VWF: variants seen among roughly 807,000 people sequenced by gnomAD.
VWF encodes the protein von Willebrand factor.
A neutral mutation model predicts 308.6 loss-of-function variants in VWF; 176 were observed. That is an observed-to-expected ratio of 0.57 (90% CI 0.50 to 0.65). VWF has a LOEUF of 0.65. Ranked by LOEUF, VWF falls within the 30% of genes least tolerant of loss-of-function variation. The pLI is 0.00. For synonymous variants in VWF, 1,385 were observed against 1,443.4 expected, an observed-to-expected ratio of 0.96 and a Z score of 0.92; for missense variants, 3,146 against 3,648.2, an observed-to-expected ratio of 0.86 and a Z score of 3.55.
At chr12:6,032,592 C>T (rs1279312284) in intron 20 of VWF, among the ~76,000 whole-genome samples, 3 of 151,432 alleles carry the variant, frequency 2.0e-5, no homozygotes, top group South Asian at 2.1e-4. Flanking sequence ...GAGCCGAGAT[C>T]GCACCACTGC....
chr12:6,033,653 C>A (rs1483535784), intron 20 of VWF, among the ~76,000 whole-genome samples: 2 of 152,218 alleles, frequency 1.3e-5, no homozygotes, highest in African/African-American at 4.8e-5. Context: ...TGCCCTGTGT[C>A]CCCAGCACAC....
chr12:6,066,801 C>T (rs1262051123), intron 10 of VWF, among the ~76,000 whole-genome samples: 1 of 152,254 alleles, frequency 6.6e-6, no homozygotes, highest in East Asian at 1.9e-4. Context: ...CTGTCTGGCA[C>T]TTCATGCTCG....
At chr12:6,025,441 A>G in intron 24 of VWF, 139 bp downstream of exon 24, 1 of 750,752 alleles carries the variant, frequency 1.3e-6, no homozygotes. Context: ...AAGCCAAGAA[A>G]AAAAGCCGAA....
intron 10 of VWF, among the ~76,000 whole-genome samples, chr12:6,067,634 G>A (rs991779260): frequency 5.3e-5 from 8 of 152,236 alleles, no homozygotes; most frequent in Middle Eastern, 3.4e-3. Context: ...CGTTAGCCAC[G>A]GGAGCTAGAA....
At chr12:6,013,951 G>C (rs911292859) in intron 31 of VWF, among the ~76,000 whole-genome samples, 9 of 152,060 alleles carry the variant, frequency 5.9e-5, no homozygotes, top group Non-Finnish European at 1.3e-4. Context: ...TTCAGATGTG[G>C]ATAAATGCTT....
In VWF at chr12:6,019,878, A is replaced by G. The variant is rs1382937882; in HGVS notation, c.3675-135T>C. 3 of 1,009,416 alleles carry G rather than the reference A, an allele frequency of 3.0e-6. No individual in the cohort carries two copies. The highest frequency in any genetic ancestry group is 4.5e-6 in the Non-Finnish European group (3 of 669,490). 62.5% of individuals were successfully genotyped at this position (1,009,416 alleles called of 1,614,324 possible). ...ACCTGAACTTGAGATCCCATGGACC[A>G]TTCCACATCCAAGTGAGATGTCATT... On this transcript the variant is annotated intron_variant, in intron 27 of 51. Transcript: ENST00000261405. This position sits in a 1 kb window ranked among gnomAD's most constrained non-coding sequence, Gnocchi z 5.8.
rs1267120223 is a variant in VWF at position 5,995,062 on chromosome 12, C to CT, written c.6064-456dup. ...GGATATCAGAAAATTATGCCCAGAC[C>CT]TTTTTTTTAGCTCATCAGCTATCGT... is the stretch of plus-strand genomic sequence containing the variant. On this transcript the variant is annotated intron_variant, in intron 35 of 51. Transcript: ENST00000261405. Among the ~76,000 whole-genome samples, 5 of 151,974 alleles carry CT rather than the reference C, an allele frequency of 3.3e-5. No individual in the cohort carries two copies. In the South Asian group the frequency reaches 6.2e-4, roughly 19 times the overall value.
intron 10 of VWF, among the ~76,000 whole-genome samples, chr12:6,066,994 G>A (rs1259090903): frequency 1.3e-5 from 2 of 152,220 alleles, no homozygotes; most frequent in Non-Finnish European, 2.9e-5. Flanking sequence ...TGGGTCAGGA[G>A]GGCACATCCA....
chr12:5,979,593 T>C (rs1052813695), intron 42 of VWF, among the ~76,000 whole-genome samples: 1 of 149,970 alleles, frequency 6.7e-6, no homozygotes, highest in Non-Finnish European at 1.5e-5. Flanking sequence ...CTACTAATAA[T>C]ACAAAAATTA....
rs774736961 is a variant in VWF, at chr12:5,993,850, T to C, written c.6598+12A>G. Reference sequence around the variant, plus strand: ...GGTCTCCAGGATTTTCAGAGGTAACTTGGAGACTCACCACAGAAATCAGGT... The same window carrying C: ...GGTCTCCAGGATTTTCAGAGGTAACCTGGAGACTCACCACAGAAATCAGGT... On this transcript the variant is annotated intron_variant, in intron 37 of 51. Coordinates refer to ENST00000261405, the MANE Select transcript of VWF (RefSeq NM_000552.5). The C allele has an allele frequency of 9.3e-6, 15 of 1,611,556 alleles. No individual in the cohort carries two copies. The South Asian group carries it at 1.2e-4, about 13-fold the overall frequency.
chr12:5,968,285 C>T (rs559952928), intron 45 of VWF, 118 bp from the exon 46 acceptor site: 199 of 1,282,780 alleles, frequency 1.6e-4, no homozygotes, highest in Admixed American at 1.6e-4. Flanking sequence ...CTGTATCGGT[C>T]GGCCCTTTCC....
chr12:6,005,060 A>T (rs1340517510), intron 34 of VWF, among the ~76,000 whole-genome samples: 1 of 152,188 alleles, frequency 6.6e-6, no homozygotes, highest in Non-Finnish European at 1.5e-5. Flanking sequence ...GAGGTAAACA[A>T]GTTGACACTA....
At chr12:6,100,029 C>T (rs1488902940) in intron 5 of VWF, among the ~76,000 whole-genome samples, 1 of 151,778 alleles carries the variant, frequency 6.6e-6, no homozygotes, top group Non-Finnish European at 1.5e-5. Context: ...CTACAATGAA[C>T]TCAAACAAAT....
intron 21 of VWF, among the ~76,000 whole-genome samples, chr12:6,031,060 C>G (rs1944256297): frequency 6.6e-6 from 1 of 151,982 alleles, no homozygotes; most frequent in African/African-American, 2.4e-5. Flanking sequence ...CTGAAAAGAA[C>G]AGAAAAACAT....
intron 5 of VWF, among the ~76,000 whole-genome samples, chr12:6,106,518 TG>T (rs1477696789): frequency 6.6e-6 from 1 of 152,222 alleles, no homozygotes; most frequent in Admixed American, 6.5e-5. Context: ...ATGGTGGTGA[TG>T]GTTGTACAAC....
In VWF at chr12:6,016,607, G is replaced by A; in HGVS notation, c.5220C>T (p.Thr1740=). The A allele has an allele frequency of 9.3e-6, 15 of 1,614,218 alleles. No homozygotes were observed. The highest frequency in any genetic ancestry group is 1.3e-5 in the Non-Finnish European group (15 of 1,180,046). The change falls in exon 30 of 52, where the codon ACC becomes ACT. Residue 1740 remains threonine (T), a synonymous_variant. Coordinates refer to ENST00000261405, the MANE Select transcript of VWF (RefSeq NM_000552.5). ...VSVLQYGSIT[T]IDVPWNVVPE... is the part of the protein sequence containing the mutation. The stretch of plus-strand genomic sequence containing the variant: ...GGACCACGTTCCATGGCACGTCAAT[G>A]GTGGTGATGCTTCCATACTGCAGCA...
rs942877314 is a variant in VWF at position 6,075,561 on chromosome 12, G to A, written c.658-10C>T. 6 of 1,611,902 alleles carry A rather than the reference G, an allele frequency of 3.7e-6. No homozygotes were observed. Among genetic ancestry groups the A allele is most frequent in the Non-Finnish European group, 4.2e-6 (5 of 1,179,048 alleles). ...ACTGCTCCCACAGGCCCTGCAGGAA[G>A]AGGGGCCGCCTCAGCGGTATGCTCC... On this transcript the variant is annotated splice_polypyrimidine_tract_variant and intron_variant, in intron 6 of 51. Coordinates refer to ENST00000261405, the MANE Select transcript of VWF (RefSeq NM_000552.5). This position sits in a 1 kb window ranked among gnomAD's most constrained non-coding sequence, Gnocchi z 4.7.
chr12:6,010,739 T>C (rs1296484579), intron 34 of VWF, among the ~76,000 whole-genome samples: 2 of 152,224 alleles, frequency 1.3e-5, no homozygotes, highest in Non-Finnish European at 2.9e-5. Context: ...CAAAGCTCTT[T>C]GTACAGAGGA....
chr12:6,091,007 G>A lies in VWF; in HGVS notation c.657+4453C>T, dbSNP rs542215029. The stretch of plus-strand genomic sequence containing the variant: ...TAGAACTCAGTCCGCCTTTGTTAGT[G>A]CCGGTACTGGGCTAGGATCCAGGTG... On this transcript the variant is annotated intron_variant, in intron 6 of 51. Coordinates refer to ENST00000261405, the MANE Select transcript of VWF (RefSeq NM_000552.5). Among the ~76,000 whole-genome samples, 19 of 152,304 alleles carry A rather than the reference G, an allele frequency of 1.2e-4. No individual in the cohort carries two copies. In the East Asian group the frequency reaches 3.7e-3, roughly 29 times the overall value.
Sources: gnomAD v4.1 joint callset for allele counts (sites outside exome capture counted in the v4.1 genomes callset) on GRCh38, gnomAD v4.1.1 for gene constraint, Gnocchi (gnomAD v3.1) non-coding constraint, MANE v1.5 for transcripts, NCBI Gene and HGNC (gene_info 2026-07-23, HGNC 2026-07-21) for gene names.